Variants in CCDC93 observed in about 807,000 individuals in gnomAD.
CCDC93 encodes the protein CCC complex scaffolding subunit CCDC93.
Under a neutral mutation model 108.2 loss-of-function variants are expected in CCDC93, and 61 were observed. That is an observed-to-expected ratio of 0.56 (90% CI 0.46 to 0.70). The LOEUF (loss-of-function observed/expected upper bound fraction) is 0.70. Ranked by LOEUF, CCDC93 falls within the 30% of genes least tolerant of loss-of-function variation. CCDC93 has a pLI of 0.00. For missense variants in CCDC93, 685 were observed against 764.2 expected (o/e 0.90, Z 1.22); for synonymous variants, 276 against 260.4 (o/e 1.06, Z -0.58).
At chr2:117,966,200 G>C (rs60845130) in intron 11 of CCDC93, among the ~76,000 whole-genome samples, 1 of 152,210 alleles carries the variant, frequency 6.6e-6, no homozygotes, top group African/African-American at 2.4e-5. Flanking sequence ...TTCTAGTTCA[G>C]AGGGGCTGCC....
At chr2:117,980,863 C>T (rs767533696) in intron 7 of CCDC93, among the ~76,000 whole-genome samples, 4 of 152,200 alleles carry the variant, frequency 2.6e-5, no homozygotes. Context: ...ATTCTTCCCT[C>T]TTCCCAGCCC....
chr2:117,978,693 T>C (rs1680018346), intron 7 of CCDC93, among the ~76,000 whole-genome samples: 2 of 152,156 alleles, frequency 1.3e-5, no homozygotes, highest in Non-Finnish European at 2.9e-5. Context: ...ATAAAGTTAA[T>C]GCAAACATTT....
chr2:117,939,178 C>A, intron 19 of CCDC93, 67 bp from the exon 20 acceptor site: 1 of 938,372 alleles, frequency 1.1e-6, no homozygotes, highest in East Asian at 2.5e-5. Context: ...TGCCCCTCTC[C>A]TCCATGAATG....
intron 6 of CCDC93, among the ~76,000 whole-genome samples, chr2:117,990,513 A>T (rs188270563): frequency 2.6e-4 from 39 of 152,382 alleles, no homozygotes; most frequent in Non-Finnish European, 7.3e-5. Context: ...GGCAAGAAGT[A>T]TTAAAAGCCT....
chr2:117,923,908 C>T (rs749335852), intron 23 of CCDC93, among the ~76,000 whole-genome samples: 4 of 152,206 alleles, frequency 2.6e-5, no homozygotes, highest in Non-Finnish European at 5.9e-5. Context: ...CATCACACAG[C>T]TGGGTACTCC....
chr2:117,931,021 C>G lies in CCDC93; in HGVS notation c.1842+16G>C. ...TCTCACGTTAGCCTTAATGTGCTAC[C>G]CAGCCTTCCTCTTACCTCCTTGAAC... On this transcript the variant is annotated intron_variant, in intron 23 of 23. Transcript: ENST00000376300. The G allele has an allele frequency of 6.5e-7, 1 of 1,527,532 alleles. No homozygotes were observed. Among genetic ancestry groups the G allele is most frequent in the Non-Finnish European group, 9.0e-7 (1 of 1,106,830 alleles). The allele number at this position is 1,527,532 out of a possible 1,614,324, so 94.6% of individuals were successfully genotyped here.
intron 21 of CCDC93, chr2:117,935,845 G>A (rs1008002157): frequency 1.9e-5 from 6 of 315,688 alleles, no homozygotes; most frequent in African/African-American, 1.3e-4. Flanking sequence ...TAACTAATAT[G>A]TATTTTCTTG....
intron 8 of CCDC93, among the ~76,000 whole-genome samples, chr2:117,976,864 G>C (rs1480670264): frequency 6.7e-6 from 1 of 150,174 alleles, no homozygotes; most frequent in Non-Finnish European, 1.5e-5. Context: ...CAGGGGAACA[G>C]CAGGGGGAGT....
intron 6 of CCDC93, among the ~76,000 whole-genome samples, chr2:117,987,229 G>A (rs1259456561): frequency 1.3e-5 from 2 of 152,050 alleles, no homozygotes; most frequent in African/African-American, 4.8e-5. Flanking sequence ...AGTAGAGACA[G>A]GGCACATACC....
chr2:117,995,647 T>C (rs1680623765), intron 5 of CCDC93, 145 bp from the exon 6 acceptor site: 2 of 653,492 alleles, frequency 3.1e-6, no homozygotes, highest in South Asian at 1.9e-5. Flanking sequence ...AATTGTAATA[T>C]ATTCTCCATG....
At chr2:117,960,472 A>G (rs888167552) in intron 11 of CCDC93, among the ~76,000 whole-genome samples, 9 of 152,216 alleles carry the variant, frequency 5.9e-5, no homozygotes, top group African/African-American at 1.9e-4. Flanking sequence ...TCTGACTGTT[A>G]GCAAGCTTTC....
chr2:117,938,945 T>C, intron 20 of CCDC93, 84 bp downstream of exon 20: 1 of 726,006 alleles, frequency 1.4e-6, no homozygotes, highest in South Asian at 1.6e-5. Flanking sequence ...AACATACCTG[T>C]CCCAAACATC....
At chr2:118,005,301 A>G (rs1676833113) in intron 3 of CCDC93, among the ~76,000 whole-genome samples, 1 of 152,218 alleles carries the variant, frequency 6.6e-6, no homozygotes, top group South Asian at 2.1e-4. Flanking sequence ...GGAAAAAAGC[A>G]CACGTGGGAT....
intron 20 of CCDC93, among the ~76,000 whole-genome samples, chr2:117,938,602 C>T (rs1558772871): frequency 1.3e-5 from 2 of 151,726 alleles, no homozygotes; most frequent in Non-Finnish European, 2.9e-5. Flanking sequence ...CCCTTTCACC[C>T]CTGCTTTGAA....
chr2:118,006,266 G>A (rs1676866623), intron 3 of CCDC93, among the ~76,000 whole-genome samples: 1 of 152,184 alleles, frequency 6.6e-6, no homozygotes, highest in African/African-American at 2.4e-5. Context: ...GAGACCCACT[G>A]GAAGGCTGGG....
At chr2:117,965,885 G>GA (rs34853808) in intron 11 of CCDC93, among the ~76,000 whole-genome samples, 88 of 143,422 alleles carry the variant, frequency 6.1e-4, no homozygotes, top group East Asian at 1.4e-3. Context: ...TTCTCTGGCA[G>GA]AAAAAAAAAA....
chr2:117,959,881 C>A (rs1170602490), intron 11 of CCDC93, among the ~76,000 whole-genome samples: 1 of 152,100 alleles, frequency 6.6e-6, no homozygotes, highest in East Asian at 1.9e-4. Context: ...AAGATATTCA[C>A]AACTTGTAGT....
chr2:117,986,160 CTTTTTTTTTTTTTT>C (rs763304100), intron 6 of CCDC93, 91 bp from the exon 7 acceptor site: 93 of 276,590 alleles, frequency 3.4e-4, no homozygotes, highest in African/African-American at 2.7e-3. Context: ...GGTATATTCT[CTTTTTTTTTTTTTT>C]TTTTTTTTGA....
At chr2:117,957,273 T>C (rs1005534720) in intron 12 of CCDC93, among the ~76,000 whole-genome samples, 1 of 152,258 alleles carries the variant, frequency 6.6e-6, no homozygotes, top group Admixed American at 6.5e-5. Context: ...ATAACTTTTT[T>C]ATTGTCCAAT....
Sources: allele counts gnomAD v4.1 joint callset (sites outside exome capture counted in the v4.1 genomes callset), GRCh38; gene constraint gnomAD v4.1.1; transcripts MANE v1.5; gene names NCBI Gene and HGNC (gene_info 2026-07-23, HGNC 2026-07-21).